The following TFB1M variants were observed in gnomAD, a reference collection of about 807,000 sequenced individuals.
TFB1M encodes transcription factor B1, mitochondrial.
TFB1M carries 27 observed loss-of-function variants against 31.1 expected under a neutral mutation model. The observed-to-expected ratio is 0.87, with a 90% confidence interval of 0.64 to 1.20. The LOEUF is 1.20. Among genes scored for constraint, TFB1M ranks in the 50% most tolerant of loss-of-function variants. The probability of loss-of-function intolerance (pLI) is 0.00; values close to 1 mark genes in which losing one functional copy is unlikely to be tolerated. For synonymous variants in TFB1M, 166 were observed against 151.8 expected (o/e 1.09, Z -0.69); for missense variants, 394 against 418.7 (o/e 0.94, Z 0.51).
At chr6:155,253,745 C>T (rs149008874), downstream of TFB1M, 1,366 of 469,144 alleles carry the variant, frequency 2.9e-3, 22 homozygotes, top group African/African-American at 0.025. Context: ...AGGGTGAAGG[C>T]AGTTCAGATG....
Position 155,297,038 on chromosome 6 carries a change from C to G in TFB1M, c.461G>C (p.Trp154Ser). ...ATCTCTACAGGAAATATTTTCAAGCCACTTGATAATCAGTGGAGTTGAAAC... is the reference window on the plus strand; with the variant it reads ...ATCTCTACAGGAAATATTTTCAAGCGACTTGATAATCAGTGGAGTTGAAAC... Reference protein sequence around the residue: ...FSVSTPLIIKWLENISCRDGP... With the variant: ...FSVSTPLIIKSLENISCRDGP... The change falls in exon 4 of 7, where the codon TGG becomes TCG. Residue 154 changes from tryptophan to serine, a missense_variant. Physicochemically the swap from Trp to Ser is radical, Grantham distance 177 (BLOSUM62 -3). Coordinates refer to ENST00000367166, the MANE Select transcript of TFB1M (RefSeq NM_016020.4). 2 of 1,613,622 alleles carry G rather than the reference C, an allele frequency of 1.2e-6. No individual in the cohort carries two copies. Among genetic ancestry groups the G allele is most frequent in the Non-Finnish European group, 1.7e-6 (2 of 1,179,680 alleles).
chr6:155,283,658 C>A (rs142443923), intron 5 of TFB1M, among the ~76,000 whole-genome samples: 1 of 152,284 alleles, frequency 6.6e-6, no homozygotes, highest in Non-Finnish European at 1.5e-5. Context: ...ATTCGAATAT[C>A]TATCCTAAGA....
downstream of TFB1M, chr6:155,254,410 C>T (rs374043224): frequency 1.2e-6 from 2 of 1,610,450 alleles, no homozygotes; most frequent in Admixed American, 1.7e-5. Flanking sequence ...TCTCTCCCCC[C>T]CCACCCAGTG....
In TFB1M at chr6:155,256,863, T is replaced by G. The variant is rs1214098051; in HGVS notation, c.*973A>C. ...AGCAGCAGCCTGGCCCGGAGTCGGG[T>G]GAGGGTCAGAAAGGAGGAGAGCAGC... On this transcript the variant is annotated 3_prime_UTR_variant, in exon 7 of 7. Coordinates refer to ENST00000367166, the MANE Select transcript of TFB1M (RefSeq NM_016020.4). 6.2e-7 allele frequency: 1 copy of G among 1,614,010 alleles called. No individual in the cohort carries two copies. Among genetic ancestry groups the G allele is most frequent in the Non-Finnish European group, 8.5e-7 (1 of 1,180,004 alleles).
rs1046186227 is a variant in TFB1M, at chr6:155,314,052, A to G, written c.133+244T>C. The G allele has an allele frequency of 8.6e-6, 12 of 1,388,930 alleles. No individual in the cohort carries two copies. In the African/African-American group the frequency reaches 1.5e-4, roughly 17 times the overall value. 86.0% of individuals were successfully genotyped at this position (1,388,930 alleles called of 1,614,324 possible). A position where few individuals can be genotyped will look rare whatever the true frequency, so the allele number is the denominator to read the frequency against. ...CCCTTCCTCCCCTAGGGAGCTTGGC[A>G]TTTATGCAGCCTGCCGGCAGGCTAC... is the stretch of plus-strand genomic sequence containing the variant. On this transcript the variant is annotated intron_variant, in intron 1 of 6. Transcript: ENST00000367166.
At chr6:155,314,130 T>A in intron 1 of TFB1M, 166 bp downstream of exon 1, 4 of 1,490,938 alleles carry the variant, frequency 2.7e-6, no homozygotes, top group Non-Finnish European at 3.6e-6. Flanking sequence ...ACGTGTCTCC[T>A]GGGCGGTGGG....
Position 155,297,048 on chromosome 6 carries a change from T to C in TFB1M, c.451A>G (p.Ile151Val). 6.2e-7 allele frequency: 1 copy of C among 1,613,684 alleles called. No individual in the cohort carries two copies. Among genetic ancestry groups the C allele is most frequent in the South Asian group, 1.1e-5 (1 of 91,078 alleles). Residue 151 changes from isoleucine (I) to valine (V), a missense_variant, in exon 4 of 7, where the codon ATT becomes GTT. Ile to Val is a conservative substitution (Grantham distance 29). Coordinates refer to ENST00000367166, the MANE Select transcript of TFB1M (RefSeq NM_016020.4). The part of the protein sequence containing the change: ...NLPFSVSTPL[I>V]IKWLENISCR... The stretch of plus-strand genomic sequence containing the variant: ...GAAATATTTTCAAGCCACTTGATAA[T>C]CAGTGGAGTTGAAACACTAAAAGGC...
the TFB1M span, among the ~76,000 whole-genome samples, chr6:155,247,719 A>G: frequency 6.6e-6 from 1 of 152,182 alleles, no homozygotes; most frequent in Non-Finnish European, 1.5e-5. Context: ...ATGTGTCTTT[A>G]AAGTCAGACA....
At chr6:155,240,801 A>AC in the TFB1M span, 5 of 1,305,768 alleles carry the variant, frequency 3.8e-6, no homozygotes, top group East Asian at 7.5e-5. Context: ...TCTGCCCAGG[A>AC]CACCTGCCAC....
At chr6:155,256,073 A>T (rs1784002909), downstream of TFB1M, 2 of 232,072 alleles carry the variant, frequency 8.6e-6, no homozygotes, top group Admixed American at 5.1e-5. Flanking sequence ...GAAATCCACA[A>T]GGTGAGAAGA....
At chr6:155,312,629 T>G (rs1426553738) in intron 1 of TFB1M, among the ~76,000 whole-genome samples, 1 of 152,180 alleles carries the variant, frequency 6.6e-6, no homozygotes, top group Non-Finnish European at 1.5e-5. Flanking sequence ...ATCAAATCAA[T>G]GAGCTTGGAT....
chr6:155,307,330 T>C (rs1328888697), intron 2 of TFB1M, among the ~76,000 whole-genome samples: 1 of 151,450 alleles, frequency 6.6e-6, no homozygotes, highest in Non-Finnish European at 1.5e-5. Flanking sequence ...ACAAAAGAGG[T>C]TTAGACTCAC....
the TFB1M span, chr6:155,247,917 GATCT>G: frequency 2.4e-5 from 35 of 1,466,338 alleles, no homozygotes; most frequent in Non-Finnish European, 3.0e-5. Flanking sequence ...AGAAATAGAT[GATCT>G]ATAAATGTTA....
chr6:155,253,240 G>T (rs1471200121), downstream of TFB1M: 4 of 516,828 alleles, frequency 7.7e-6, no homozygotes, highest in South Asian at 3.4e-5. Context: ...AATGCTGGTG[G>T]ATAGCTTTTT....
At chr6:155,240,787 C>A in the TFB1M span, 1 of 1,451,472 alleles carries the variant, frequency 6.9e-7, no homozygotes, top group Admixed American at 2.0e-5. Flanking sequence ...GTCCCCAGAT[C>A]ACCTCTGCCC....
the TFB1M span, among the ~76,000 whole-genome samples, chr6:155,233,285 T>C: frequency 3.9e-4 from 59 of 152,338 alleles, no homozygotes; most frequent in East Asian, 8.1e-3. Flanking sequence ...ATCAAAGTTG[T>C]TGTGATCAAG....
chr6:155,241,787 A>G, the TFB1M span, among the ~76,000 whole-genome samples: 1 of 152,200 alleles, frequency 6.6e-6, no homozygotes, highest in African/African-American at 2.4e-5. Context: ...TGAAGTGAAC[A>G]GCCAGGCTGT....
At chr6:155,244,251 G>T in the TFB1M span, among the ~76,000 whole-genome samples, 2 of 152,172 alleles carry the variant, frequency 1.3e-5, no homozygotes, top group African/African-American at 4.8e-5. Flanking sequence ...CTGTGGCCTC[G>T]GCTGCATGAC....
At chr6:155,293,157 T>TCATACATACATACATACATA (rs56359910) in intron 4 of TFB1M, among the ~76,000 whole-genome samples, 2 of 151,238 alleles carry the variant, frequency 1.3e-5, no homozygotes, top group African/African-American at 2.4e-5. Context: ...ACTTTAAATA[T>TCATACATACATACATACATA]CATACATACA....
Sources: gnomAD v4.1 joint callset for allele counts (sites outside exome capture counted in the v4.1 genomes callset) on GRCh38, gnomAD v4.1.1 for gene constraint, MANE v1.5 for transcripts, NCBI Gene and HGNC (gene_info 2026-07-23, HGNC 2026-07-21) for gene names.